The following TTC27 variants were observed in gnomAD, a reference collection of about 807,000 sequenced individuals.
TTC27 encodes the protein tetratricopeptide repeat domain 27.
In TTC27, 79 loss-of-function variants were observed where a neutral mutation model predicts 115.9. That is an observed-to-expected ratio of 0.68 (90% CI 0.57 to 0.82). TTC27 has a LOEUF of 0.82. Ranked by LOEUF, TTC27 falls within the 40% of genes least tolerant of loss-of-function variation. The pLI is 0.00. For synonymous variants in TTC27, 401 were observed against 356.0 expected (o/e 1.13, Z -1.42); for missense variants, 1,054 against 993.1 (o/e 1.06, Z -0.82).
intron 9 of TTC27, among the ~76,000 whole-genome samples, chr2:32,688,920 G>A (rs1002994794): frequency 1.3e-5 from 2 of 152,074 alleles, no homozygotes; most frequent in East Asian, 1.9e-4. Context: ...ACAAATACTT[G>A]TGGCTGTTTT....
At chr2:32,809,487 T>G (rs34680719) in intron 16 of TTC27, among the ~76,000 whole-genome samples, 1 of 152,106 alleles carries the variant, frequency 6.6e-6, no homozygotes, top group East Asian at 1.9e-4. Context: ...TGGGAGCTTG[T>G]TGGAAATGCA....
intron 10 of TTC27, among the ~76,000 whole-genome samples, chr2:32,717,242 G>A (rs986122026): frequency 3.3e-5 from 5 of 152,164 alleles, no homozygotes; most frequent in Middle Eastern, 3.4e-3. Flanking sequence ...CCAAAGTGCT[G>A]GGATTACAGG....
intron 12 of TTC27, among the ~76,000 whole-genome samples, chr2:32,741,454 T>A (rs1393162792): frequency 6.7e-6 from 1 of 150,256 alleles, no homozygotes; most frequent in East Asian, 2.0e-4. Context: ...CCATCCTGGC[T>A]AATATGGTGA....
At chr2:32,701,871 C>T (rs564588118) in intron 9 of TTC27, among the ~76,000 whole-genome samples, 1 of 151,978 alleles carries the variant, frequency 6.6e-6, no homozygotes, top group African/African-American at 2.4e-5. Flanking sequence ...ATTAGCCGGG[C>T]ATGGTGGTAC....
At chr2:32,764,201 C>G (rs1669544446) in intron 13 of TTC27, among the ~76,000 whole-genome samples, 1 of 152,022 alleles carries the variant, frequency 6.6e-6, no homozygotes, top group Non-Finnish European at 1.5e-5. Context: ...AGTCACTCAC[C>G]TTTGTGAGAT....
chr2:32,713,794 G>T (rs2151906691), intron 10 of TTC27, among the ~76,000 whole-genome samples: 1 of 152,152 alleles, frequency 6.6e-6, no homozygotes, highest in South Asian at 2.1e-4. Flanking sequence ...TTAGGCTCAG[G>T]GGTACATGTG....
At chr2:32,645,792 G>T (rs750423330) in intron 4 of TTC27, among the ~76,000 whole-genome samples, 5 of 148,124 alleles carry the variant, frequency 3.4e-5, no homozygotes, top group South Asian at 2.2e-4. Context: ...TCTCAGCTCA[G>T]TGCAACCTCC....
At chr2:32,704,660 C>G (rs529680354) in intron 10 of TTC27, among the ~76,000 whole-genome samples, 1 of 152,218 alleles carries the variant, frequency 6.6e-6, no homozygotes, top group Admixed American at 6.5e-5. Flanking sequence ...CTGTCATGTC[C>G]TCTCAGGCTC....
chr2:32,763,078 C>T (rs373938673), intron 13 of TTC27, among the ~76,000 whole-genome samples: 16 of 152,260 alleles, frequency 1.1e-4, no homozygotes, highest in African/African-American at 3.6e-4. Flanking sequence ...TAATTATTTA[C>T]GTAGACAAAG....
intron 4 of TTC27, among the ~76,000 whole-genome samples, chr2:32,648,792 C>T (rs911173341): frequency 2.6e-5 from 4 of 152,066 alleles, no homozygotes; most frequent in Non-Finnish European, 2.9e-5. Flanking sequence ...GGGTGGATCA[C>T]TTGAGCCCAG....
chr2:32,660,322 A>G (rs1025874297), intron 5 of TTC27, among the ~76,000 whole-genome samples: 5 of 152,126 alleles, frequency 3.3e-5, no homozygotes, highest in Admixed American at 1.3e-4. Flanking sequence ...TTTTGTTGAG[A>G]AATGTCTGCT....
chr2:32,670,518 T>C (rs1394074327), intron 7 of TTC27, among the ~76,000 whole-genome samples: 1 of 152,214 alleles, frequency 6.6e-6, no homozygotes, highest in East Asian at 1.9e-4. Context: ...CAATATGAAC[T>C]GTTGGTGGAC....
intron 13 of TTC27, among the ~76,000 whole-genome samples, chr2:32,775,062 AAGAT>A (rs1196348534): frequency 5.3e-5 from 8 of 152,256 alleles, no homozygotes; most frequent in African/African-American, 1.9e-4. Context: ...TTAAAAATAA[AAGAT>A]AACCTCATCA....
chr2:32,756,374 T>C (rs1669232865), intron 12 of TTC27, among the ~76,000 whole-genome samples: 1 of 152,274 alleles, frequency 6.6e-6, no homozygotes, highest in Non-Finnish European at 1.5e-5. Context: ...TTAGGTACTT[T>C]AATAGCTATT....
intron 8 of TTC27, among the ~76,000 whole-genome samples, chr2:32,678,578 C>T (rs1666304103): frequency 6.6e-6 from 1 of 151,992 alleles, no homozygotes; most frequent in South Asian, 2.1e-4. Flanking sequence ...CAGGTACTTG[C>T]CACCACGGCA....
Position 32,812,541 on chromosome 2 carries a change from C to A in TTC27, c.2234C>A (p.Thr745Asn). The A allele has an allele frequency of 6.2e-7, 1 of 1,614,006 alleles. No individual in the cohort carries two copies. The part of the protein sequence containing the change: ...QCLSKAYKCD[T>N]QSNCWEKDIT... Reference sequence around the variant, plus strand: ...CTCTCAAAGGCATACAAGTGTGACACCCAGTCCAATTGTTGGGAGAAAGAT... The same window carrying A: ...CTCTCAAAGGCATACAAGTGTGACAACCAGTCCAATTGTTGGGAGAAAGAT... Residue 745 changes from threonine to asparagine, a missense_variant, in exon 18 of 20, where the codon ACC (threonine) becomes AAC (asparagine). Transcript: ENST00000317907.
intron 13 of TTC27, among the ~76,000 whole-genome samples, chr2:32,764,659 C>T (rs1489580790): frequency 1.3e-5 from 2 of 152,168 alleles, no homozygotes; most frequent in African/African-American, 4.8e-5. Flanking sequence ...CTGTAGCATA[C>T]AATGGTGTTT....
chr2:32,636,963 C>T (rs1664451705), intron 3 of TTC27, among the ~76,000 whole-genome samples: 1 of 152,198 alleles, frequency 6.6e-6, no homozygotes, highest in Non-Finnish European at 1.5e-5. Flanking sequence ...TTGAACTTGC[C>T]TCTTTTAGCA....
At chr2:32,745,380 T>G (rs1668788668) in intron 12 of TTC27, among the ~76,000 whole-genome samples, 1 of 152,130 alleles carries the variant, frequency 6.6e-6, no homozygotes. Context: ...TACAGTCAAT[T>G]CCACATCTCT....
Sources: allele counts gnomAD v4.1 joint callset (sites outside exome capture counted in the v4.1 genomes callset), GRCh38; gene constraint gnomAD v4.1.1; transcripts MANE v1.5; gene names NCBI Gene and HGNC (gene_info 2026-07-23, HGNC 2026-07-21).